The following CTU2 variants were observed in gnomAD, a reference collection of about 807,000 sequenced individuals.
The protein encoded by CTU2 is cytosolic thiouridylase subunit 2.
A neutral mutation model predicts 64.1 loss-of-function variants in CTU2; 80 were observed. The ratio of observed to expected loss-of-function variants is 1.25; its 90% CI spans 1.04 to 1.50. The LOEUF is 1.50. Among genes scored for constraint, CTU2 ranks in the 40% most tolerant of loss-of-function variants. CTU2 has a pLI of 0.00. For synonymous variants in CTU2, 482 were observed against 285.3 expected, an observed-to-expected ratio of 1.69 and a Z score of -6.95; for missense variants, 1,110 against 690.2, an observed-to-expected ratio of 1.61 and a Z score of -6.81.
intron 7 of CTU2, 40 bp from the exon 8 acceptor site, chr16:88,713,272 T>G (rs763763505): frequency 3.3e-6 from 3 of 918,400 alleles, no homozygotes; most frequent in Non-Finnish European, 4.2e-6. Flanking sequence ...CTTCCCCGGG[T>G]CCTGCACCCC....
rs890256196 is a variant in CTU2 at position 88,714,503 on chromosome 16, C to A, written c.1201+17C>A. 6.2e-7 allele frequency: 1 copy of A among 1,612,522 alleles called. No individual in the cohort carries two copies. Among genetic ancestry groups the A allele is most frequent in the African/African-American group, 1.3e-5 (1 of 74,924 alleles). Reference sequence around the variant, plus strand: ...ACGCCGCTGGTCTGTGTTTCATGCTCTTGGGGTGATGCGGGGAGGGAGCCA... The same window carrying A: ...ACGCCGCTGGTCTGTGTTTCATGCTATTGGGGTGATGCGGGGAGGGAGCCA... On this transcript the variant is annotated intron_variant, in intron 11 of 14. Coordinates refer to ENST00000453996, the MANE Select transcript of CTU2 (RefSeq NM_001012759.3).
At chr16:88,710,160 C>T (rs1456169553) in intron 3 of CTU2, 63 bp from the exon 4 acceptor site, 10 of 1,597,150 alleles carry the variant, frequency 6.3e-6, no homozygotes, top group East Asian at 2.2e-5. Flanking sequence ...TAGATGTCCA[C>T]GAGGTGGGGT....
In CTU2 at chr16:88,709,948, A is replaced by AT. The variant is rs1911181560; in HGVS notation, c.154_155insT (p.Lys52IlefsTer43). On this transcript the variant is annotated frameshift_variant, in exon 3 of 15. Transcript: ENST00000453996. LOFTEE classifies it high-confidence loss of function. Reference sequence around the variant, plus strand: ...AGGTCTGTGTTGCAGGGACTGTTTCAAGGCCTTCTACGTCCACAAGTTCAG... The same window carrying AT: ...AGGTCTGTGTTGCAGGGACTGTTTCATAGGCCTTCTACGTCCACAAGTTCAG... The AT allele has an allele frequency of 3.1e-6, 5 of 1,613,926 alleles. No homozygotes were observed. Among genetic ancestry groups the AT allele is most frequent in the Non-Finnish European group, 4.2e-6 (5 of 1,179,972 alleles).
chr16:88,708,052 G>T (rs1211780712), intron 2 of CTU2, among the ~76,000 whole-genome samples: 4 of 152,182 alleles, frequency 2.6e-5, no homozygotes, highest in Non-Finnish European at 5.9e-5. Flanking sequence ...GACCTCAAGT[G>T]ATCCACCTGC....
In CTU2 at chr16:88,712,266, T is replaced by A; in HGVS notation, c.344-8T>A. On this transcript the variant is annotated splice_region_variant and splice_polypyrimidine_tract_variant and intron_variant, in intron 5 of 14. Transcript: ENST00000453996. ...TGAGCCCTGACTCTTTCTGCCTGGG[T>A]TTTTCAGAGGGAGCAGCCTGTGGCC... The A allele has an allele frequency of 6.3e-7, 1 of 1,589,590 alleles. No individual in the cohort carries two copies. Among genetic ancestry groups the A allele is most frequent in the South Asian group, 1.1e-5 (1 of 87,564 alleles).
intron 4 of CTU2, among the ~76,000 whole-genome samples, chr16:88,711,125 G>C (rs1240984035): frequency 6.6e-6 from 1 of 152,190 alleles, no homozygotes; most frequent in African/African-American, 2.4e-5. Context: ...GCACAACACT[G>C]CTGAAATTAG....
At chr16:88,712,466 C>T in intron 6 of CTU2, 83 bp downstream of exon 6, 3 of 1,455,602 alleles carry the variant, frequency 2.1e-6, no homozygotes, top group Non-Finnish European at 2.8e-6. Context: ...CTGGCCTCTC[C>T]CTCATCCCAG....
chr16:88,712,624 G>GA lies in CTU2; in HGVS notation c.456_457insA (p.Phe153IlefsTer71), dbSNP rs772152093. 6.2e-7 allele frequency: 1 copy of GA among 1,609,522 alleles called. No individual in the cohort carries two copies. Among genetic ancestry groups the GA allele is most frequent in the Non-Finnish European group, 8.5e-7 (1 of 1,179,154 alleles). On this transcript the variant is annotated frameshift_variant, in exon 7 of 15. Coordinates refer to ENST00000453996, the MANE Select transcript of CTU2 (RefSeq NM_001012759.3). LOFTEE classifies it high-confidence loss of function. Reference sequence around the variant, plus strand: ...TGGCGTCTCCCTCATCCCGGAAGGTGTTCAGCCTGCCACCGTCGGTGCTTT... The same window carrying GA: ...TGGCGTCTCCCTCATCCCGGAAGGTGATTCAGCCTGCCACCGTCGGTGCTTT...
intron 4 of CTU2, 140 bp downstream of exon 4, chr16:88,710,422 A>T (rs1473516973): frequency 1.3e-6 from 1 of 778,724 alleles, no homozygotes; most frequent in African/African-American, 1.7e-5. Context: ...GGGGGTTCTC[A>T]GATGTGTTCA....
At chr16:88,710,188 G>A (rs747397487) in intron 3 of CTU2, 35 bp from the exon 4 acceptor site, 2 of 1,613,120 alleles carry the variant, frequency 1.2e-6, no homozygotes, top group Non-Finnish European at 1.7e-6. Context: ...TGTGTTGGAG[G>A]TGCGGTGCCC....
At chr16:88,708,673 G>A (rs755956106) in intron 2 of CTU2, among the ~76,000 whole-genome samples, 8 of 152,054 alleles carry the variant, frequency 5.3e-5, no homozygotes, top group Admixed American at 1.3e-4. Context: ...GGGGTCATTC[G>A]GCCTCTTGTA....
In CTU2 at chr16:88,709,965, C is replaced by T; in HGVS notation, c.171C>T (p.His57=). 1.2e-6 allele frequency: 2 copies of T among 1,614,012 alleles called. No individual in the cohort carries two copies. The highest frequency in any genetic ancestry group is 1.7e-6 in the Non-Finnish European group (2 of 1,180,012). ...ACTGTTTCAAGGCCTTCTACGTCCA[C>T]AAGTTCAGAGCCATGCTGGGCAAGA... is the stretch of plus-strand genomic sequence containing the variant. ...CRDCFKAFYV[H]KFRAMLGKNR... is the part of the protein sequence containing the mutation. The change falls in exon 3 of 15, where the codon CAC becomes CAT. Residue 57 remains histidine, a synonymous_variant. Transcript: ENST00000453996.
chr16:88,711,317 G>A (rs1275137209), intron 4 of CTU2, among the ~76,000 whole-genome samples: 2 of 152,090 alleles, frequency 1.3e-5, no homozygotes, highest in Admixed American at 6.5e-5. Flanking sequence ...GTGTGGGATG[G>A]TGGCACAGTG....
rs1300827435 is a variant in CTU2, at chr16:88,713,408, C to T, written c.834C>T (p.Asn278=). The change falls in exon 8 of 15, where the codon AAC becomes AAT. Residue 278 remains asparagine (N), a synonymous_variant. Transcript: ENST00000453996. ...CTRLAIKLMT[N]LALGRGAFLA... is the part of the protein sequence containing the mutation. Reference sequence around the variant, plus strand: ...GCTTGGCTATCAAGCTCATGACCAACCTGGCGCTGGGTCGAGGGGCCTTCC... The same window carrying T: ...GCTTGGCTATCAAGCTCATGACCAATCTGGCGCTGGGTCGAGGGGCCTTCC... The T allele has an allele frequency of 6.2e-7, 1 of 1,601,374 alleles. No homozygotes were observed. The highest frequency in any genetic ancestry group is 8.5e-7 in the Non-Finnish European group (1 of 1,176,210).
chr16:88,713,487 C>A, intron 8 of CTU2, 40 bp downstream of exon 8: 2 of 1,556,436 alleles, frequency 1.3e-6, no homozygotes, highest in Non-Finnish European at 1.7e-6. Context: ...CCATCCTCAC[C>A]TTCACCCCTT....
intron 5 of CTU2, 116 bp downstream of exon 5, chr16:88,711,811 G>C (rs371591733): frequency 7.1e-6 from 7 of 979,194 alleles, no homozygotes; most frequent in Non-Finnish European, 1.1e-5. Context: ...AGGATGTGTT[G>C]AGCTACTGGT....
At chr16:88,707,367 A>T (rs994030746) in intron 2 of CTU2, among the ~76,000 whole-genome samples, 157 bp downstream of exon 2, 5 of 152,206 alleles carry the variant, frequency 3.3e-5, no homozygotes, top group African/African-American at 1.2e-4. Context: ...GTTGAAGTGG[A>T]GGCGAAAGCA....
chr16:88,713,327 C>A lies in CTU2; in HGVS notation c.753C>A (p.Leu251=), dbSNP rs767096119. ...TGTGCTTTAGGACCCACCTGATCCT[C>A]CACATGGCCCGAGCCCACGGCTACT... ...LLQTLRTHLI[L]HMARAHGYSK... is the part of the protein sequence containing the mutation. Residue 251 remains leucine (L), a synonymous_variant, in exon 8 of 15, where the codon CTC becomes CTA. Transcript: ENST00000453996. 6.3e-7 allele frequency: 1 copy of A among 1,599,930 alleles called. No individual in the cohort carries two copies. The highest frequency in any genetic ancestry group is 8.5e-7 in the Non-Finnish European group (1 of 1,174,666).
Position 88,715,383 on chromosome 16 carries a change from A to AG in CTU2, c.*132_*133insG. On this transcript the variant is annotated 3_prime_UTR_variant, in exon 15 of 15. Transcript: ENST00000453996. ...AATAAAACATTTTTTAATTAAAAAA[A>AG]AAACTCTACAGTACACGTGGGGGAC... 1 of 1,121,312 alleles carries AG rather than the reference A, an allele frequency of 8.9e-7. No homozygotes were observed. The highest frequency in any genetic ancestry group is 1.6e-5 in the South Asian group (1 of 63,924). 69.5% of individuals were successfully genotyped at this position (1,121,312 alleles called of 1,614,324 possible).
Sources: gnomAD v4.1 joint callset for allele counts (sites outside exome capture counted in the v4.1 genomes callset) on GRCh38, gnomAD v4.1.1 for gene constraint, MANE v1.5 for transcripts, NCBI Gene and HGNC (gene_info 2026-07-23, HGNC 2026-07-21) for gene names.